NBAS: variants seen among roughly 807,000 people sequenced by gnomAD.
NBAS encodes NAG/BC035112 fusion.
In NBAS, 219 loss-of-function variants were observed where a neutral mutation model predicts 302.5. That is an observed-to-expected ratio of 0.72 (90% CI 0.65 to 0.81). NBAS has a LOEUF of 0.81. Ranked by LOEUF, NBAS falls within the 30% of genes least tolerant of loss-of-function variation. The probability of loss-of-function intolerance (pLI) is 0.00; values close to 1 mark genes in which losing one functional copy is unlikely to be tolerated. For missense variants in NBAS, 2,932 were observed against 2,841.6 expected, an observed-to-expected ratio of 1.03 and a Z score of -0.72; for synonymous variants, 1,118 against 1,021.6, an observed-to-expected ratio of 1.09 and a Z score of -1.80.
the NBAS span, among the ~76,000 whole-genome samples, chr2:14,804,975 G>T: frequency 1.3e-5 from 2 of 152,296 alleles, no homozygotes; most frequent in Admixed American, 6.5e-5. Flanking sequence ...TTTCTCTTGG[G>T]TTCTTTTGCC....
At chr2:14,963,541 GTGTGTTTAACACCTACT>G in the NBAS span, among the ~76,000 whole-genome samples, 1 of 152,200 alleles carries the variant, frequency 6.6e-6, no homozygotes, top group East Asian at 1.9e-4. Flanking sequence ...ACTGGAAGGT[GTGTGTTTAACACCTACT>G]TTCCTTCTGG....
chr2:15,294,095 C>T (rs561226594), intron 40 of NBAS, among the ~76,000 whole-genome samples: 8 of 152,316 alleles, frequency 5.3e-5, no homozygotes, highest in South Asian at 2.1e-4. Context: ...TAAGAGGACA[C>T]GGCCCTTCCC....
the NBAS span, among the ~76,000 whole-genome samples, chr2:14,959,255 G>T: frequency 2.0e-5 from 3 of 152,170 alleles, no homozygotes; most frequent in African/African-American, 7.2e-5. Flanking sequence ...AGCCCATAAT[G>T]CACCAGGTAC....
chr2:14,902,769 C>G, the NBAS span, among the ~76,000 whole-genome samples: 1 of 152,062 alleles, frequency 6.6e-6, no homozygotes, highest in Non-Finnish European at 1.5e-5. Flanking sequence ...GTAATTCAGA[C>G]TGGAATTGGT....
At chr2:14,957,447 G>T in the NBAS span, among the ~76,000 whole-genome samples, 1 of 152,160 alleles carries the variant, frequency 6.6e-6, no homozygotes, top group Admixed American at 6.5e-5. Context: ...ATTTTATCAA[G>T]TAATACCCAC....
In NBAS at chr2:15,327,754, A is replaced by G; in HGVS notation, c.4578T>C (p.Thr1526=). The G allele has an allele frequency of 6.2e-7, 1 of 1,613,570 alleles. No homozygotes were observed. The highest frequency in any genetic ancestry group is 8.5e-7 in the Non-Finnish European group (1 of 1,179,626). ...AKNKGEVFPT[T]EVLLQLASEA... ...GACTAGAACCTTCTCTCTTACCTTC[A>G]GTTGTTGGAAATACTTCTCCTTTAT... is the stretch of plus-strand genomic sequence containing the variant. Residue 1526 remains threonine, a synonymous_variant, in exon 38 of 52, where the codon ACT becomes ACC. Coordinates refer to ENST00000281513, the MANE Select transcript of NBAS (RefSeq NM_015909.4).
chr2:14,978,669 T>A, the NBAS span, among the ~76,000 whole-genome samples: 5 of 152,022 alleles, frequency 3.3e-5, no homozygotes, highest in Admixed American at 1.3e-4. Flanking sequence ...GAAACTGAGG[T>A]CAAGAGAGGT....
At chr2:15,352,698 C>T (rs184327413) in intron 34 of NBAS, among the ~76,000 whole-genome samples, 14 of 152,158 alleles carry the variant, frequency 9.2e-5, no homozygotes, top group Admixed American at 8.5e-4. Flanking sequence ...TCAGCTGCAG[C>T]GTTCTTCCCT....
intron 9 of NBAS, among the ~76,000 whole-genome samples, chr2:15,516,985 A>C (rs1662424193): frequency 6.6e-6 from 1 of 152,180 alleles, no homozygotes; most frequent in Non-Finnish European, 1.5e-5. Context: ...TTGCAAATTG[A>C]AGCAATCATT....
the NBAS span, among the ~76,000 whole-genome samples, chr2:14,796,705 A>G: frequency 6.6e-6 from 1 of 152,068 alleles, no homozygotes; most frequent in African/African-American, 2.4e-5. Flanking sequence ...TGCTGGTTCC[A>G]GATGAAGTCC....
the NBAS span, among the ~76,000 whole-genome samples, chr2:15,159,893 G>T: frequency 6.6e-6 from 1 of 151,932 alleles, no homozygotes; most frequent in Non-Finnish European, 1.5e-5. Flanking sequence ...TCAAGTCTCA[G>T]TTCTGCCACC....
At chr2:14,812,350 G>T in the NBAS span, among the ~76,000 whole-genome samples, 2 of 152,280 alleles carry the variant, frequency 1.3e-5, no homozygotes, top group South Asian at 4.1e-4. Flanking sequence ...CAATGTGAAA[G>T]GGAATTATAT....
intron 21 of NBAS, among the ~76,000 whole-genome samples, chr2:15,451,682 T>A (rs1679018812): frequency 6.6e-6 from 1 of 152,184 alleles, no homozygotes. Context: ...AGTTTTACGC[T>A]GTTGTAATAA....
chr2:15,501,629 G>C (rs937478951), intron 11 of NBAS, among the ~76,000 whole-genome samples: 1 of 125,054 alleles, frequency 8.0e-6, no homozygotes, highest in Admixed American at 1.1e-4. Context: ...TCGCTCTGTC[G>C]CCCAGGCTGG....
the NBAS span, among the ~76,000 whole-genome samples, chr2:14,787,923 A>C: frequency 6.6e-6 from 1 of 152,200 alleles, no homozygotes; most frequent in Admixed American, 6.5e-5. Context: ...GTGTTTTCCA[A>C]CTTGGTTCCA....
Position 15,185,510 on chromosome 2 carries a change from C to T in NBAS, c.6711+1232G>A, listed in dbSNP as rs192584658. 1.5e-3 allele frequency among the ~76,000 whole-genome samples: 222 copies of T among 152,204 alleles called. 1 individual carries two copies. The highest frequency in any genetic ancestry group is 1.8e-3 in the Non-Finnish European group (124 of 68,012). On this transcript the variant is annotated intron_variant, in intron 50 of 51. Transcript: ENST00000281513. ...GTGGGGATAATGAAGTGCACTGAGT[C>T]CCCATACTACACAGTGGGCTGAATC...
chr2:15,293,953 C>CA (rs1162605774), intron 40 of NBAS, among the ~76,000 whole-genome samples: 2 of 152,288 alleles, frequency 1.3e-5, no homozygotes, highest in East Asian at 3.9e-4. Flanking sequence ...GTCCTACTCT[C>CA]AAAACCACAA....
chr2:15,022,200 T>C, the NBAS span, among the ~76,000 whole-genome samples: 8 of 152,134 alleles, frequency 5.3e-5, no homozygotes, highest in African/African-American at 1.9e-4. Context: ...AGGGGGACAA[T>C]AACAGCTTCC....
At chr2:15,448,228 A>G (rs761706907) in intron 21 of NBAS, among the ~76,000 whole-genome samples, 11 of 152,162 alleles carry the variant, frequency 7.2e-5, no homozygotes, top group Non-Finnish European at 1.5e-4. Context: ...CTTTTAGCGT[A>G]CCTAAAATTA....
Sources: allele counts gnomAD v4.1 joint callset (sites outside exome capture counted in the v4.1 genomes callset), GRCh38; gene constraint gnomAD v4.1.1; transcripts MANE v1.5; gene names NCBI Gene and HGNC (gene_info 2026-07-23, HGNC 2026-07-21).